Variants in ABCA12 observed in about 807,000 individuals in gnomAD.
ABCA12 encodes the protein glucosylceramide transporter ABCA12.
A neutral mutation model predicts 293.5 loss-of-function variants in ABCA12; 156 were observed. The ratio of observed to expected loss-of-function variants is 0.53; its 90% CI spans 0.47 to 0.61. The LOEUF (loss-of-function observed/expected upper bound fraction) is 0.61, where lower values mean the gene tolerates loss of function less well. ABCA12 is among the 20% of genes least tolerant of loss of function. The pLI is 0.00. For synonymous variants in ABCA12, 1,063 were observed against 1,108.0 expected (o/e 0.96, Z 0.81); for missense variants, 2,797 against 3,090.2 (o/e 0.91, Z 2.25).
intron 14 of ABCA12, among the ~76,000 whole-genome samples, chr2:215,016,582 CAAAAAAAAAAAAAAAA>C (rs71041981): frequency 1.2e-3 from 36 of 29,948 alleles, no homozygotes; most frequent in South Asian, 3.6e-3. Context: ...GACTCTGTCT[CAAAAAAAAAAAAAAAA>C]AAAAAAAAAA....
At chr2:214,941,584 A>G (rs1452489606) in intron 50 of ABCA12, among the ~76,000 whole-genome samples, 1 of 151,042 alleles carries the variant, frequency 6.6e-6, no homozygotes, top group Non-Finnish European at 1.5e-5. Flanking sequence ...GTGGGAGTTT[A>G]AGTCTCTTTG....
chr2:214,935,215 A>G (rs1268224064), intron 51 of ABCA12, among the ~76,000 whole-genome samples: 2 of 151,940 alleles, frequency 1.3e-5, no homozygotes, highest in Non-Finnish European at 2.9e-5. Flanking sequence ...TGTTTTGGCT[A>G]TTTTCCTTCT....
intron 30 of ABCA12, among the ~76,000 whole-genome samples, chr2:214,981,428 G>C (rs1023583097): frequency 6.6e-6 from 1 of 152,084 alleles, no homozygotes; most frequent in East Asian, 1.9e-4. Flanking sequence ...TACTTAGTCT[G>C]TTTTCAGTTT....
chr2:215,051,716 C>A (rs2106056957), intron 5 of ABCA12, among the ~76,000 whole-genome samples: 1 of 145,282 alleles, frequency 6.9e-6, no homozygotes, highest in African/African-American at 2.5e-5. Flanking sequence ...ATCTCTAATG[C>A]CAAATGTTGA....
At chr2:215,062,649 G>T (rs1385868671) in intron 3 of ABCA12, among the ~76,000 whole-genome samples, 1 of 151,552 alleles carries the variant, frequency 6.6e-6, no homozygotes, top group East Asian at 1.9e-4. Context: ...TAAATGGTTG[G>T]GTTTGTCCCC....
intron 1 of ABCA12, among the ~76,000 whole-genome samples, chr2:215,135,366 T>C (rs1347479092): frequency 6.6e-6 from 1 of 152,224 alleles, no homozygotes. Context: ...GCCATTTGTT[T>C]CTCCATTAAT....
intron 1 of ABCA12, among the ~76,000 whole-genome samples, chr2:215,123,916 C>T (rs892411882): frequency 1.3e-5 from 2 of 152,196 alleles, no homozygotes; most frequent in Middle Eastern, 6.8e-3. Context: ...CTATCCCTCG[C>T]CCCCCTCTCA....
chr2:215,071,142 A>C (rs1450344428), intron 2 of ABCA12, among the ~76,000 whole-genome samples: 1 of 151,820 alleles, frequency 6.6e-6, no homozygotes, highest in Non-Finnish European at 1.5e-5. Context: ...GGCTGCAGTG[A>C]GCCATGATCA....
At chr2:215,072,667 T>A (rs545479892) in intron 2 of ABCA12, among the ~76,000 whole-genome samples, 2 of 152,202 alleles carry the variant, frequency 1.3e-5, no homozygotes. Context: ...AAACAAAATG[T>A]TTTGATTCAA....
chr2:214,954,031 A>G lies in ABCA12; in HGVS notation c.6470T>C (p.Ile2157Thr). The G allele has an allele frequency of 2.5e-6, 4 of 1,614,084 alleles. No homozygotes were observed. Among genetic ancestry groups the G allele is most frequent in the Middle Eastern group, 1.6e-4 (1 of 6,062 alleles). Residue 2157 changes from isoleucine (I) to threonine (T), a missense_variant, in exon 44 of 53, where the codon ATT (isoleucine) becomes ACT (threonine). By Grantham distance (89) the Ile-to-Thr change is moderately conservative. Coordinates refer to ENST00000272895, the MANE Select transcript of ABCA12 (RefSeq NM_173076.3). ...GACCGACTGTTGTTGAGAAAGTTCA[A>G]TCAAACCGTAGCCAAAACAGAATTG... is the stretch of plus-strand genomic sequence containing the variant. ...FPQFCFGYGL[I>T]ELSQQQSVLD...
intron 1 of ABCA12, among the ~76,000 whole-genome samples, chr2:215,135,902 C>A (rs937877649): frequency 1.3e-5 from 2 of 152,280 alleles, no homozygotes; most frequent in African/African-American, 4.8e-5. Flanking sequence ...TGACCCTAGG[C>A]GAAACTGTGA....
chr2:214,959,892 G>A (rs931862600), intron 39 of ABCA12, among the ~76,000 whole-genome samples: 7 of 152,104 alleles, frequency 4.6e-5, no homozygotes, highest in Non-Finnish European at 8.8e-5. Context: ...GGTAAAGTGT[G>A]TACTGTCTGA....
intron 39 of ABCA12, chr2:214,962,770 C>A (rs1273934395): frequency 1.3e-5 from 2 of 152,142 alleles, no homozygotes; most frequent in Non-Finnish European, 2.9e-5. Context: ...GAAATTCAGT[C>A]AAAACCACAC....
intron 51 of ABCA12, 60 bp downstream of exon 51, chr2:214,937,450 G>A (rs542887538): frequency 6.1e-4 from 838 of 1,369,188 alleles, no homozygotes; most frequent in African/African-American, 3.2e-3. Context: ...TGCCCGCCTC[G>A]GACTCCCAAA....
chr2:215,111,758 C>T (rs754890143), intron 1 of ABCA12, 68 bp from the exon 2 acceptor site: 23 of 1,110,468 alleles, frequency 2.1e-5, no homozygotes, highest in Non-Finnish European at 3.0e-5. Context: ...AACCTGACTA[C>T]AAAAAGTATG....
intron 8 of ABCA12, among the ~76,000 whole-genome samples, chr2:215,033,712 T>C (rs1700928271): frequency 1.3e-5 from 2 of 151,946 alleles, no homozygotes; most frequent in South Asian, 4.2e-4. Flanking sequence ...GAGGTCGAGG[T>C]GGGCACATCA....
rs149737532 is a variant in ABCA12 at position 215,008,569 on chromosome 2, C to G, written c.2473-723G>C. Among the ~76,000 whole-genome samples, 124 of 152,106 alleles carry G rather than the reference C, an allele frequency of 8.2e-4. 1 individual carries two copies. Among genetic ancestry groups the G allele is most frequent in the African/African-American group, 2.9e-3 (122 of 41,506 alleles). ...ACAATGTATTCTTGTATGAGAAAAACTATATATAAAAAAGGATTAAAATGC... is the reference window on the plus strand; with the variant it reads ...ACAATGTATTCTTGTATGAGAAAAAGTATATATAAAAAAGGATTAAAATGC... On this transcript the variant is annotated intron_variant, in intron 18 of 52. Transcript: ENST00000272895.
At chr2:215,048,433 G>A (rs992018322) in intron 6 of ABCA12, among the ~76,000 whole-genome samples, 7 of 151,912 alleles carry the variant, frequency 4.6e-5, no homozygotes, top group African/African-American at 1.2e-4. Context: ...AGTGGCTCAC[G>A]TCTATAATCC....
At chr2:215,086,905 T>C (rs1469755552) in intron 2 of ABCA12, among the ~76,000 whole-genome samples, 1 of 150,254 alleles carries the variant, frequency 6.7e-6, no homozygotes, top group East Asian at 1.9e-4. Flanking sequence ...AACTTACCTT[T>C]CTCTAACTAC....
Sources: gnomAD v4.1 joint callset for allele counts (sites outside exome capture counted in the v4.1 genomes callset) on GRCh38, gnomAD v4.1.1 for gene constraint, MANE v1.5 for transcripts, NCBI Gene and HGNC (gene_info 2026-07-23, HGNC 2026-07-21) for gene names.